Variants in ETV1 observed in about 807,000 individuals in gnomAD.
The protein encoded by ETV1 is ETS variant transcription factor 1, also known as ETS translocation variant 1.
Under a neutral mutation model 62.3 loss-of-function variants are expected in ETV1, and 27 were observed. The ratio of observed to expected loss-of-function variants is 0.43; its 90% CI spans 0.32 to 0.60. The LOEUF (loss-of-function observed/expected upper bound fraction) is 0.60. ETV1 is among the 20% of genes least tolerant of loss of function. ETV1 has a pLI of 0.06. For missense variants in ETV1, 605 were observed against 605.8 expected (o/e 1.00, Z 0.01); for synonymous variants, 222 against 199.6 (o/e 1.11, Z -0.94).
chr7:13,950,059 C>T (rs919638986), intron 6 of ETV1, among the ~76,000 whole-genome samples: 1 of 152,116 alleles, frequency 6.6e-6, no homozygotes, highest in African/African-American at 2.4e-5. Flanking sequence ...TTTTTAGGAA[C>T]ATCAGGGTTT....
chr7:13,977,432 T>C lies in ETV1; in HGVS notation c.230A>G (p.Glu77Gly). The change falls in exon 6 of 14, where the codon GAA (glutamate) becomes GGA (glycine). Residue 77 changes from glutamate (E) to glycine (G), a missense_variant. Transcript: ENST00000430479. Reference sequence around the variant, plus strand: ...ATGAGTCATACTATACTTACAACTTTCAGCCTGATAGTCTGGTACAAACTG... The same window carrying C: ...ATGAGTCATACTATACTTACAACTTCCAGCCTGATAGTCTGGTACAAACTG... The part of the protein sequence containing the change: ...DEQFVPDYQA[E>G]SLAFHGLPLK... 6.5e-7 allele frequency: 1 copy of C among 1,539,654 alleles called. No individual in the cohort carries two copies. The highest frequency in any genetic ancestry group is 8.8e-7 in the Non-Finnish European group (1 of 1,137,088).
In ETV1 at chr7:13,989,415, T is replaced by C. The variant is rs768457637; in HGVS notation, c.-235A>G. The C allele has an allele frequency of 6.9e-6, 3 of 433,974 alleles. No homozygotes were observed. The highest frequency in any genetic ancestry group is 8.3e-5 in the Admixed American group (2 of 24,184). The allele number at this position is 433,974 out of a possible 1,614,324, so 26.9% of individuals were successfully genotyped here. On this transcript the variant is annotated 5_prime_UTR_variant, in exon 2 of 14. Transcript: ENST00000430479. ...CGGGCAGCTCTGATTCGCAAACGTG[T>C]GCAAAACTAGCAATGGCGATCAACG... is the stretch of plus-strand genomic sequence containing the variant.
At chr7:13,918,865 A>T (rs1418726836) in intron 9 of ETV1, among the ~76,000 whole-genome samples, 2 of 84,000 alleles carry the variant, frequency 2.4e-5, no homozygotes, top group African/African-American at 1.2e-4. Flanking sequence ...CCTAAAACTT[A>T]AAGTATAATA....
chr7:13,942,229 T>C (rs1021405137), intron 6 of ETV1, among the ~76,000 whole-genome samples: 34 of 152,134 alleles, frequency 2.2e-4, no homozygotes, highest in African/African-American at 7.5e-4. Context: ...TTCATCGTGT[T>C]AGCCAGGATG....
chr7:13,914,232 T>C (rs979780308), intron 9 of ETV1, among the ~76,000 whole-genome samples: 1 of 152,146 alleles, frequency 6.6e-6, no homozygotes, highest in Non-Finnish European at 1.5e-5. Context: ...CCCCTCATGT[T>C]AGCTCCTAAA....
At chr7:13,917,887 C>G (rs1246821593) in intron 9 of ETV1, among the ~76,000 whole-genome samples, 1 of 151,728 alleles carries the variant, frequency 6.6e-6, no homozygotes, top group East Asian at 2.0e-4. Flanking sequence ...TGGCGTGAAC[C>G]CGGGAGGCGG....
rs1781504897 is a variant in ETV1, at chr7:13,893,305, T to A, written c.*2561A>T. The stretch of plus-strand genomic sequence containing the variant: ...CAGCTGCCAGATTTATTAATCTACC[T>A]GAAAACAAAAACATAAAAACTCAAC... On this transcript the variant is annotated 3_prime_UTR_variant, in exon 14 of 14. Coordinates refer to ENST00000430479, the MANE Select transcript of ETV1 (RefSeq NM_004956.5). 8.7e-6 allele frequency: 2 copies of A among 231,090 alleles called. No individual in the cohort carries two copies. The highest frequency in any genetic ancestry group is 1.7e-5 in the Non-Finnish European group (2 of 116,930). 14.3% of individuals were successfully genotyped at this position (231,090 alleles called of 1,614,324 possible).
intron 9 of ETV1, among the ~76,000 whole-genome samples, chr7:13,915,978 C>T (rs904455848): frequency 2.0e-5 from 3 of 152,154 alleles, no homozygotes; most frequent in African/African-American, 4.8e-5. Flanking sequence ...AGTTACTGAA[C>T]TGGATGTGAA....
intron 7 of ETV1, 120 bp from the exon 8 acceptor site, chr7:13,936,016 T>C (rs1050349583): frequency 5.5e-5 from 42 of 760,940 alleles, no homozygotes; most frequent in Non-Finnish European, 8.4e-5. Context: ...ATGAAAACTT[T>C]GTTGTTGCTA....
rs149346031 is a variant in ETV1 at position 13,943,985 on chromosome 7, A to G, written c.236-4739T>C. Among the ~76,000 whole-genome samples, 172 of 152,316 alleles carry G rather than the reference A, an allele frequency of 1.1e-3. 1 individual carries two copies. The highest frequency in any genetic ancestry group is 3.9e-3 in the African/African-American group (163 of 41,574). On this transcript the variant is annotated intron_variant, in intron 6 of 13. Transcript: ENST00000430479. ...AATGTGCTTCAACTTCACAGGAGAA[A>G]TTATTCCAGATGGGTAGGAAATGGA...
intron 9 of ETV1, among the ~76,000 whole-genome samples, chr7:13,916,507 G>T (rs1396596318): frequency 6.6e-6 from 1 of 151,754 alleles, no homozygotes; most frequent in South Asian, 2.1e-4. Flanking sequence ...GCATGGTGGC[G>T]CGTGCCTGTC....
intron 9 of ETV1, 65 bp downstream of exon 9, chr7:13,931,437 T>G: frequency 6.3e-7 from 1 of 1,594,484 alleles, no homozygotes; most frequent in Non-Finnish European, 8.6e-7. Flanking sequence ...ATACCAACAC[T>G]AACCAATGTG....
At chr7:13,955,699 G>A (rs1010042219) in intron 6 of ETV1, among the ~76,000 whole-genome samples, 2 of 152,182 alleles carry the variant, frequency 1.3e-5, no homozygotes, top group Non-Finnish European at 2.9e-5. Flanking sequence ...GGAACTAAAT[G>A]TATTGGATCA....
chr7:13,956,759 G>C (rs183043907), intron 6 of ETV1, among the ~76,000 whole-genome samples: 350 of 152,254 alleles, frequency 2.3e-3, no homozygotes, highest in Non-Finnish European at 4.1e-3. Flanking sequence ...CTTGCACAAT[G>C]CAAGTCTTTA....
At chr7:13,931,835 A>T in intron 8 of ETV1, 86 bp from the exon 9 acceptor site, 1 of 1,502,188 alleles carries the variant, frequency 6.7e-7, no homozygotes. Context: ...TTTCTTAGTG[A>T]ACGAACATGA....
intron 9 of ETV1, among the ~76,000 whole-genome samples, chr7:13,920,441 A>AGTGTGT (rs4027263): frequency 0.035 from 5,152 of 148,494 alleles, 156 homozygotes; most frequent in East Asian, 0.17. Context: ...AGAGTGAGTG[A>AGTGTGT]GTGTGTGTGT....
At chr7:13,927,956 A>G (rs550096362) in intron 9 of ETV1, among the ~76,000 whole-genome samples, 1 of 152,340 alleles carries the variant, frequency 6.6e-6, no homozygotes, top group South Asian at 2.1e-4. Context: ...GCAATATAAA[A>G]TTAACAGCTT....
intron 9 of ETV1, among the ~76,000 whole-genome samples, chr7:13,920,821 A>G (rs1784763060): frequency 6.6e-6 from 1 of 152,186 alleles, no homozygotes; most frequent in Non-Finnish European, 1.5e-5. Context: ...TTGCAATTTT[A>G]ACTCCAAAAG....
rs1350491074 is a variant in ETV1 at position 13,911,252 on chromosome 7, G to A, written c.858C>T (p.Pro286=). Residue 286 remains proline, a synonymous_variant, in exon 10 of 14, where the codon CCC becomes CCT. Transcript: ENST00000430479. The part of the protein sequence containing the change: ...YMRQEGFLAH[P]SRTEGCMFEK... ...TGGACAACTTAACTTCTGTTCTGCT[G>A]GGATGAGCCAGGAAGCCTTCTTGCC... is the stretch of plus-strand genomic sequence containing the variant. 5 of 1,612,340 alleles carry A rather than the reference G, an allele frequency of 3.1e-6. No homozygotes were observed. The highest frequency in any genetic ancestry group is 1.1e-5 in the South Asian group (1 of 90,968).
Sources: gnomAD v4.1 joint callset for allele counts (sites outside exome capture counted in the v4.1 genomes callset) on GRCh38, gnomAD v4.1.1 for gene constraint, MANE v1.5 for transcripts, NCBI Gene and HGNC (gene_info 2026-07-23, HGNC 2026-07-21) for gene names.